PSTPIP1: variants seen among roughly 807,000 people sequenced by gnomAD.
The protein encoded by PSTPIP1 is proline-serine-threonine phosphatase interacting protein 1, also known as proline-serine-threonine phosphatase-interacting protein 1.
In PSTPIP1, 66 loss-of-function variants were observed where a neutral mutation model predicts 69.6. The ratio of observed to expected loss-of-function variants is 0.95; its 90% CI spans 0.78 to 1.16. PSTPIP1 has a LOEUF of 1.16. Ranked by LOEUF, PSTPIP1 falls within the 50% of genes most tolerant of loss-of-function variation. PSTPIP1 has a pLI of 0.00. For missense variants in PSTPIP1, 603 were observed against 557.4 expected, an observed-to-expected ratio of 1.08 and a Z score of -0.82; for synonymous variants, 266 against 222.7, an observed-to-expected ratio of 1.19 and a Z score of -1.73.
At chr15:77,033,836 CTT>C (rs2076484111) in intron 12 of PSTPIP1, among the ~76,000 whole-genome samples, 1 of 151,988 alleles carries the variant, frequency 6.6e-6, no homozygotes, top group African/African-American at 2.4e-5. Flanking sequence ...CACACACCCT[CTT>C]TGAGAATCTT....
At chr15:77,007,001 G>C (rs1210695361) in intron 1 of PSTPIP1, among the ~76,000 whole-genome samples, 1 of 152,056 alleles carries the variant, frequency 6.6e-6, no homozygotes, top group Non-Finnish European at 1.5e-5. Flanking sequence ...TCCTGAGTTT[G>C]CCCAGCCTGG....
chr15:77,006,167 G>A (rs777876040), intron 1 of PSTPIP1, among the ~76,000 whole-genome samples: 5 of 152,066 alleles, frequency 3.3e-5, no homozygotes, highest in Non-Finnish European at 7.3e-5. Context: ...CACCTTAGGA[G>A]GCATGAAGTA....
At chr15:77,032,814 A>C in intron 11 of PSTPIP1, 48 bp from the exon 12 acceptor site, 1 of 1,489,930 alleles carries the variant, frequency 6.7e-7, no homozygotes, top group Non-Finnish European at 9.1e-7. Flanking sequence ...GCAGGGCCAG[A>C]ATGGGGTGTT....
At chr15:77,028,123 C>A (rs1276223747) in intron 6 of PSTPIP1, among the ~76,000 whole-genome samples, 1 of 143,808 alleles carries the variant, frequency 7.0e-6, no homozygotes, top group African/African-American at 2.9e-5. Flanking sequence ...CCGGGCCCTT[C>A]CCTTGTGGGG....
intron 3 of PSTPIP1, among the ~76,000 whole-genome samples, chr15:77,020,868 T>TGG (rs201125747): frequency 5.7e-4 from 66 of 115,520 alleles, no homozygotes; most frequent in African/African-American, 1.9e-3. Context: ...TAGACTCCTG[T>TGG]GGGGGGGGGG....
chr15:76,995,163 TGCCTGCCTGGCCCGGCCCGAGCTCCA>T lies in PSTPIP1; in HGVS notation c.-402_-377del, dbSNP rs1160250602. ...GCAGGCCTCGGGCTGCCTGCCTGCC[TGCCTGCCTGGCCCGGCCCGAGCTCCA>T]GCCTGCCTCTTCCACTGGCCACTGC... On this transcript the variant is annotated 5_prime_UTR_variant, in exon 1 of 15. Coordinates refer to ENST00000558012, the MANE Select transcript of PSTPIP1 (RefSeq NM_003978.5). 1.8e-5 allele frequency: 21 copies of T among 1,190,596 alleles called. No homozygotes were observed. Among genetic ancestry groups the T allele is most frequent in the Admixed American group, 1.2e-4 (3 of 25,724 alleles). The allele number at this position is 1,190,596 out of a possible 1,614,324, so 73.8% of individuals were successfully genotyped here.
At position 76,995,573 on chromosome 15, in the gene PSTPIP1, G is replaced by A. The variant is rs368477308; in HGVS notation, c.-1G>A. Reference sequence around the variant, plus strand: ...AGCTTTGCCGCGGCAGACGCCTGAGGATGATGCCCCAGCTGCAGTTCAAAG... The same window carrying A: ...AGCTTTGCCGCGGCAGACGCCTGAGAATGATGCCCCAGCTGCAGTTCAAAG... On this transcript the variant is annotated 5_prime_UTR_variant, in exon 1 of 15. Transcript: ENST00000558012. 4.0e-5 allele frequency: 65 copies of A among 1,613,906 alleles called. No individual in the cohort carries two copies. The African/African-American group carries it at 7.3e-4, about 18-fold the overall frequency.
intron 1 of PSTPIP1, among the ~76,000 whole-genome samples, chr15:77,017,138 G>A (rs759214403): frequency 2.0e-5 from 3 of 152,136 alleles, no homozygotes; most frequent in Non-Finnish European, 4.4e-5. Flanking sequence ...GTAAGCCTGC[G>A]TGCAGTGCCT....
chr15:77,019,385 C>A (rs1337428265), intron 3 of PSTPIP1, among the ~76,000 whole-genome samples: 1 of 152,198 alleles, frequency 6.6e-6, no homozygotes. Flanking sequence ...CCTGCAGCTG[C>A]TGTGGAACCC....
Position 77,013,781 on chromosome 15 carries a change from G to A in PSTPIP1, c.37-4367G>A, listed in dbSNP as rs374131649. ...TCTTGGACATAGCAGGTAGGAACTC[G>A]GACCAAAACCCAGGTGTCCCCCTCC... On this transcript the variant is annotated intron_variant, in intron 1 of 14. Transcript: ENST00000558012. Among the ~76,000 whole-genome samples the A allele has an allele frequency of 1.0e-3, 152 of 152,268 alleles. 1 individual carries two copies. The highest frequency in any genetic ancestry group is 7.0e-3 in the South Asian group (34 of 4,826).
intron 3 of PSTPIP1, among the ~76,000 whole-genome samples, chr15:77,020,000 G>C (rs769215417): frequency 2.0e-5 from 3 of 152,192 alleles, no homozygotes; most frequent in Non-Finnish European, 4.4e-5. Flanking sequence ...AGAGACTCAG[G>C]AGAGGTGGAG....
At chr15:77,036,892 G>A (rs1411616723) in intron 14 of PSTPIP1, among the ~76,000 whole-genome samples, 153 bp from the exon 15 acceptor site, 2 of 152,094 alleles carry the variant, frequency 1.3e-5, no homozygotes, top group Non-Finnish European at 2.9e-5. Flanking sequence ...CGGTCCGTTG[G>A]GTTACCCCCA....
chr15:77,029,614 C>T, intron 8 of PSTPIP1, 40 bp downstream of exon 8: 1 of 1,550,392 alleles, frequency 6.4e-7, no homozygotes, highest in Non-Finnish European at 8.7e-7. Flanking sequence ...AGGGCGGAGG[C>T]CTGGGCGGTA....
Position 77,018,134 on chromosome 15 carries a change from G to T in PSTPIP1, c.37-14G>T. 2 of 1,565,620 alleles carry T rather than the reference G, an allele frequency of 1.3e-6. No homozygotes were observed. The highest frequency in any genetic ancestry group is 1.7e-6 in the Non-Finnish European group (2 of 1,155,812). Reference sequence around the variant, plus strand: ...GGTCGTGGCCCTCATGTGTCCTTCTGTCCTGTGTCACAGTGCAGGGACTTC... The same window carrying T: ...GGTCGTGGCCCTCATGTGTCCTTCTTTCCTGTGTCACAGTGCAGGGACTTC... On this transcript the variant is annotated splice_polypyrimidine_tract_variant and intron_variant, in intron 1 of 14. Transcript: ENST00000558012.
At position 77,032,331 on chromosome 15, in the gene PSTPIP1, T is replaced by G. The variant is rs2076438333; in HGVS notation, c.775T>G (p.Cys259Gly). The stretch of plus-strand genomic sequence containing the variant: ...GGAAGTGCGGCTGACGCTGGAAGGC[T>G]GCAGCATAGACGCCGACATCGACAG... ...YEEVRLTLEGCSIDADIDSFI... is the reference protein window; with the variant it reads ...YEEVRLTLEGGSIDADIDSFI... The change falls in exon 11 of 15, where the codon TGC becomes GGC. Residue 259 changes from cysteine to glycine, a missense_variant. Transcript: ENST00000558012. The G allele has an allele frequency of 6.2e-7, 1 of 1,612,484 alleles. No individual in the cohort carries two copies. Among genetic ancestry groups the G allele is most frequent in the African/African-American group, 1.3e-5 (1 of 74,940 alleles).
chr15:77,016,699 A>C (rs1389293109), intron 1 of PSTPIP1, among the ~76,000 whole-genome samples: 1 of 136,070 alleles, frequency 7.3e-6, no homozygotes, highest in African/African-American at 2.8e-5. Flanking sequence ...GTTTGTGGGG[A>C]GGGGGGGCAC....
Position 77,025,194 on chromosome 15 carries a change from T to C in PSTPIP1, c.213-90T>C, listed in dbSNP as rs1046756111. 11 of 1,416,126 alleles carry C rather than the reference T, an allele frequency of 7.8e-6. No homozygotes were observed. In the African/African-American group the frequency reaches 1.1e-4, roughly 15 times the overall value. 87.7% of individuals were successfully genotyped at this position (1,416,126 alleles called of 1,614,324 possible). On this transcript the variant is annotated intron_variant, in intron 3 of 14. Transcript: ENST00000558012. Reference sequence around the variant, plus strand: ...GGTCTTCCCACCAAAATAAAAGTCCTCCCCACTGCCCACCCCGCCGGGAGG... The same window carrying C: ...GGTCTTCCCACCAAAATAAAAGTCCCCCCCACTGCCCACCCCGCCGGGAGG...
chr15:77,029,600 G>C (rs756356579), intron 8 of PSTPIP1, 26 bp downstream of exon 8: 1 of 1,559,602 alleles, frequency 6.4e-7, no homozygotes, highest in Non-Finnish European at 8.7e-7. Flanking sequence ...TGCCCCGTCC[G>C]ACCAGGGCGG....
At chr15:77,021,501 A>C (rs188036356) in intron 3 of PSTPIP1, among the ~76,000 whole-genome samples, 323 of 152,230 alleles carry the variant, frequency 2.1e-3, no homozygotes, top group African/African-American at 7.6e-3. Context: ...CAACATGGTG[A>C]AACCCCGTCT....
Sources: gnomAD v4.1 joint callset for allele counts (sites outside exome capture counted in the v4.1 genomes callset) on GRCh38, gnomAD v4.1.1 for gene constraint, MANE v1.5 for transcripts, NCBI Gene and HGNC (gene_info 2026-07-23, HGNC 2026-07-21) for gene names.